The following ZC4H2 variants were observed in gnomAD, a reference collection of about 807,000 sequenced individuals.
ZC4H2 encodes the protein zinc finger C4H2-type containing, also known as zinc finger C4H2 domain-containing protein.
For synonymous variants in ZC4H2, 84 were observed against 66.3 expected, an observed-to-expected ratio of 1.27 and a Z score of -1.30; for missense variants, 137 against 173.9, an observed-to-expected ratio of 0.79 and a Z score of 1.19.
intron 1 of ZC4H2, among the ~76,000 whole-genome samples, chrX:65,014,900 T>A (rs1932787429): frequency 8.9e-6 from 1 of 112,017 alleles, no homozygotes; most frequent in African/African-American, 3.2e-5. Flanking sequence ...TATGTGTCTA[T>A]AATTCCAGTC....
chrX:64,935,453 A>G (rs767560935), intron 1 of ZC4H2, among the ~76,000 whole-genome samples: 1 of 112,360 alleles, frequency 8.9e-6, no homozygotes, highest in East Asian at 2.8e-4. Flanking sequence ...TGGACCTCCC[A>G]GCACAGCATT....
intron 1 of ZC4H2, among the ~76,000 whole-genome samples, chrX:64,953,643 G>A (rs891608418): frequency 6.3e-5 from 7 of 110,634 alleles, no homozygotes; most frequent in Non-Finnish European, 1.3e-4. Flanking sequence ...CACCAGAATG[G>A]CGATCATTAA....
intron 1 of ZC4H2, among the ~76,000 whole-genome samples, chrX:64,935,670 A>G (rs934808785): frequency 1.1e-4 from 12 of 111,926 alleles, no homozygotes; most frequent in Non-Finnish European, 2.1e-4. Flanking sequence ...CGCTGGTGAT[A>G]CCCAGGCAAA....
At chrX:64,928,701 TCTCCTCCTCCTCCCC>T (rs2147357899) in intron 1 of ZC4H2, among the ~76,000 whole-genome samples, 1 of 98,351 alleles carries the variant, frequency 1.0e-5, no homozygotes, top group East Asian at 3.2e-4. Flanking sequence ...CTCTTCTTCT[TCTCCTCCTCCTCCCC>T]CTCCTCCTCC....
chrX:64,929,514 A>G (rs1454429577), intron 1 of ZC4H2, among the ~76,000 whole-genome samples: 2 of 111,522 alleles, frequency 1.8e-5, no homozygotes, highest in African/African-American at 6.5e-5. Context: ...AGATTTAAGT[A>G]TTTGATCCAT....
intron 1 of ZC4H2, among the ~76,000 whole-genome samples, chrX:64,934,476 T>G (rs1602393910): frequency 8.9e-6 from 1 of 112,364 alleles, no homozygotes; most frequent in Admixed American, 9.4e-5. Context: ...ATTATTCTTT[T>G]GATGCCTGTG....
At chrX:65,003,927 C>G in intron 1 of ZC4H2, among the ~76,000 whole-genome samples, 1 of 108,818 alleles carries the variant, frequency 9.2e-6, no homozygotes. Context: ...CCCACAGAAA[C>G]ACAAACTAAC....
At chrX:64,960,527 AAAG>A (rs1380384058) in intron 1 of ZC4H2, among the ~76,000 whole-genome samples, 1 of 111,909 alleles carries the variant, frequency 8.9e-6, no homozygotes, top group Non-Finnish European at 1.9e-5. Flanking sequence ...ATTAAAATAC[AAAG>A]AAGGTTTTGC....
intron 1 of ZC4H2, among the ~76,000 whole-genome samples, chrX:64,938,872 T>G (rs932306576): frequency 8.9e-6 from 1 of 111,839 alleles, no homozygotes; most frequent in Admixed American, 9.5e-5. Flanking sequence ...CTTTGAAAAC[T>G]GGCACAAGAC....
intron 1 of ZC4H2, among the ~76,000 whole-genome samples, chrX:64,969,123 T>C (rs770101872): frequency 8.9e-5 from 10 of 112,286 alleles, no homozygotes; most frequent in Non-Finnish European, 1.9e-4. Context: ...ATCAAAATGG[T>C]AGGATTATGT....
chrX:64,976,586 C>T (rs1261453524), upstream of ZC4H2: 2 of 428,181 alleles, frequency 4.7e-6, no homozygotes, highest in Non-Finnish European at 8.1e-6. Flanking sequence ...GAAGGCCAAG[C>T]GAGACATGCC....
chrX:64,980,244 G>C (rs746996532), upstream of ZC4H2, among the ~76,000 whole-genome samples: 1 of 112,146 alleles, frequency 8.9e-6, no homozygotes, highest in African/African-American at 3.2e-5. Flanking sequence ...TAGCAGATAC[G>C]ACAGACATGG....
intron 1 of ZC4H2, among the ~76,000 whole-genome samples, chrX:64,931,021 CA>C (rs200343546): frequency 0.014 from 1,585 of 111,849 alleles, 10 homozygotes; most frequent in Middle Eastern, 0.056. Context: ...TTTAAAATTA[CA>C]GTTTCAATCT....
chrX:64,962,425 C>T (rs1931432601), intron 1 of ZC4H2, among the ~76,000 whole-genome samples: 1 of 111,071 alleles, frequency 9.0e-6, no homozygotes, highest in Non-Finnish European at 1.9e-5. Context: ...CAATAAAAGC[C>T]ATATATGAAA....
intron 1 of ZC4H2, among the ~76,000 whole-genome samples, chrX:64,936,407 C>T (rs941913589): frequency 6.3e-5 from 7 of 110,935 alleles, no homozygotes; most frequent in Admixed American, 3.8e-4. Flanking sequence ...CATTCAAATT[C>T]GGGAAATACA....
At chrX:64,939,343 C>T (rs1171164488) in intron 1 of ZC4H2, among the ~76,000 whole-genome samples, 3 of 111,642 alleles carry the variant, frequency 2.7e-5, no homozygotes, top group African/African-American at 9.8e-5. Context: ...GAATCAGTAT[C>T]GTAAAAATTG....
At chrX:64,964,952 A>G (rs988469803) in intron 1 of ZC4H2, among the ~76,000 whole-genome samples, 1 of 112,131 alleles carries the variant, frequency 8.9e-6, no homozygotes, top group African/African-American at 3.2e-5. Flanking sequence ...TGTATATTAT[A>G]AACTCTAAAG....
intron 1 of ZC4H2, among the ~76,000 whole-genome samples, chrX:64,972,832 T>G (rs1204775709): frequency 8.9e-6 from 1 of 112,211 alleles, no homozygotes; most frequent in African/African-American, 3.2e-5. Flanking sequence ...CTTATTTCTA[T>G]CTCTCATACA....
intron 1 of ZC4H2, among the ~76,000 whole-genome samples, chrX:65,011,240 G>T (rs1215665869): frequency 9.0e-6 from 1 of 111,643 alleles, no homozygotes; most frequent in Non-Finnish European, 1.9e-5. Flanking sequence ...GGAAGCCGAG[G>T]CTCAAAAAGG....
Sources: gnomAD v4.1 joint callset for allele counts (sites outside exome capture counted in the v4.1 genomes callset) on GRCh38, gnomAD v4.1.1 for gene constraint, MANE v1.5 for transcripts, NCBI Gene and HGNC (gene_info 2026-07-23, HGNC 2026-07-21) for gene names.